The following CDK19 variants were observed in gnomAD, a reference collection of about 807,000 sequenced individuals.
CDK19 encodes the protein cyclin-dependent kinase 19.
A neutral mutation model predicts 68.3 loss-of-function variants in CDK19; 20 were observed. The observed-to-expected ratio is 0.29, with a 90% CI of 0.21 to 0.43. The LOEUF (loss-of-function observed/expected upper bound fraction) is 0.43. Among genes scored for constraint, CDK19 ranks in the 20% least tolerant of loss-of-function variants. The probability of loss-of-function intolerance (pLI) is 1.00; values close to 1 mark genes in which losing one functional copy is unlikely to be tolerated. For missense variants in CDK19, 339 were observed against 623.5 expected, an observed-to-expected ratio of 0.54 and a Z score of 4.86; for synonymous variants, 221 against 222.8, an observed-to-expected ratio of 0.99 and a Z score of 0.07.
At chr6:110,685,572 T>G (rs1772404859) in intron 2 of CDK19, among the ~76,000 whole-genome samples, 1 of 152,244 alleles carries the variant, frequency 6.6e-6, no homozygotes, top group African/African-American at 2.4e-5. Flanking sequence ...CATGTAGATT[T>G]TCAACAAATG....
chr6:110,807,573 C>T (rs919966423), intron 1 of CDK19, among the ~76,000 whole-genome samples: 1 of 152,092 alleles, frequency 6.6e-6, no homozygotes, highest in Non-Finnish European at 1.5e-5. Context: ...AATTATTGTG[C>T]CTTAGCCTCC....
At chr6:110,619,067 C>T (rs888082376) in intron 12 of CDK19, among the ~76,000 whole-genome samples, 17 of 152,096 alleles carry the variant, frequency 1.1e-4, no homozygotes, top group African/African-American at 4.1e-4. Flanking sequence ...GTTGCAAGTT[C>T]GGTGTAATGG....
At chr6:110,650,005 A>T (rs565228678) in intron 4 of CDK19, among the ~76,000 whole-genome samples, 26 of 152,298 alleles carry the variant, frequency 1.7e-4, no homozygotes, top group South Asian at 1.2e-3. Flanking sequence ...ACAATTTTTT[A>T]AAAAAATTGT....
chr6:110,781,363 C>T (rs1780804479), intron 1 of CDK19, among the ~76,000 whole-genome samples: 1 of 152,110 alleles, frequency 6.6e-6, no homozygotes, highest in African/African-American at 2.4e-5. Flanking sequence ...TCACTCATTA[C>T]CTAGGACAGC....
rs1057180515 is a variant in CDK19, at chr6:110,652,194, A to T, written c.457-13488T>A. On this transcript the variant is annotated intron_variant, in intron 4 of 12. Coordinates refer to ENST00000368911, the MANE Select transcript of CDK19 (RefSeq NM_015076.5). ...AAAATAAATAAATAAGCTAAAAAAGAAAACAAAGGTAAGAAAACCTAGATA... is the reference window on the plus strand; with the variant it reads ...AAAATAAATAAATAAGCTAAAAAAGTAAACAAAGGTAAGAAAACCTAGATA... Among the ~76,000 whole-genome samples the T allele has an allele frequency of 2.6e-5, 4 of 152,190 alleles. No individual in the cohort carries two copies. In the East Asian group the frequency reaches 7.7e-4, roughly 29 times the overall value.
At chr6:110,804,522 G>T (rs1036382836) in intron 1 of CDK19, among the ~76,000 whole-genome samples, 1 of 151,064 alleles carries the variant, frequency 6.6e-6, no homozygotes, top group Non-Finnish European at 1.5e-5. Flanking sequence ...GCTAATTTTT[G>T]TATTTTTTAG....
intron 4 of CDK19, among the ~76,000 whole-genome samples, chr6:110,664,581 G>T (rs1047993833): frequency 6.6e-6 from 1 of 152,130 alleles, no homozygotes; most frequent in Non-Finnish European, 1.5e-5. Context: ...TCCCCAAAAT[G>T]TCAGTACTAT....
At chr6:110,615,278 AGAGAAG>A (rs1288269998) in intron 12 of CDK19, among the ~76,000 whole-genome samples, 1 of 152,250 alleles carries the variant, frequency 6.6e-6, no homozygotes, top group African/African-American at 2.4e-5. Flanking sequence ...ATTGTCTTCA[AGAGAAG>A]ACAGAAAAAT....
chr6:110,797,788 C>A (rs900704603), intron 1 of CDK19, among the ~76,000 whole-genome samples: 1 of 152,074 alleles, frequency 6.6e-6, no homozygotes, highest in South Asian at 2.1e-4. Context: ...AGTTCGAGAC[C>A]AGGCTGGCCA....
chr6:110,665,351 G>C (rs373477640), intron 4 of CDK19, among the ~76,000 whole-genome samples: 22 of 152,232 alleles, frequency 1.4e-4, no homozygotes, highest in African/African-American at 4.6e-4. Flanking sequence ...TGCAAAGAAG[G>C]GTCTGCAAAG....
At chr6:110,624,724 C>G (rs1454078508) in intron 8 of CDK19, among the ~76,000 whole-genome samples, 1 of 152,102 alleles carries the variant, frequency 6.6e-6, no homozygotes, top group Non-Finnish European at 1.5e-5. Flanking sequence ...TGCCTATCTC[C>G]TACTGGTACG....
intron 1 of CDK19, among the ~76,000 whole-genome samples, chr6:110,759,429 ATATATATAT>A (rs1443262098): frequency 3.7e-4 from 18 of 48,984 alleles, no homozygotes; most frequent in African/African-American, 1.2e-3. Flanking sequence ...AAAAAAAAAA[ATATATATAT>A]ATATATATAT....
intron 2 of CDK19, among the ~76,000 whole-genome samples, chr6:110,735,969 C>T (rs1223327902): frequency 6.6e-6 from 1 of 152,164 alleles, no homozygotes; most frequent in Non-Finnish European, 1.5e-5. Context: ...TCTGAGGAAC[C>T]TGTGAACTGC....
chr6:110,667,591 A>AC lies in CDK19; in HGVS notation c.316-18_316-17insG, dbSNP rs1562177166. The AC allele has an allele frequency of 7.5e-7, 1 of 1,326,458 alleles. No individual in the cohort carries two copies. The highest frequency in any genetic ancestry group is 1.5e-5 in the African/African-American group (1 of 66,750). 82.2% of individuals were successfully genotyped at this position (1,326,458 alleles called of 1,614,324 possible). A position where few individuals can be genotyped will look rare whatever the true frequency, so the allele number is the denominator to read the frequency against. On this transcript the variant is annotated splice_polypyrimidine_tract_variant and intron_variant, in intron 3 of 12. Transcript: ENST00000368911. ...AATAATATGCTAAAAATTAAAAAAA[A>AC]ACATAATAATATAGTCTTTGCTAAT...
At chr6:110,777,024 A>T (rs1780447271) in intron 1 of CDK19, among the ~76,000 whole-genome samples, 1 of 152,210 alleles carries the variant, frequency 6.6e-6, no homozygotes, top group Non-Finnish European at 1.5e-5. Flanking sequence ...ACTCCCAGAA[A>T]CATGTTCTTC....
At chr6:110,788,610 A>G (rs1781396546) in intron 1 of CDK19, among the ~76,000 whole-genome samples, 2 of 152,180 alleles carry the variant, frequency 1.3e-5, no homozygotes, top group South Asian at 4.1e-4. Flanking sequence ...ATCTATAGGT[A>G]TGCCTCTCTT....
At chr6:110,703,023 T>C (rs1341853849) in intron 2 of CDK19, among the ~76,000 whole-genome samples, 1 of 152,250 alleles carries the variant, frequency 6.6e-6, no homozygotes, top group Non-Finnish European at 1.5e-5. Flanking sequence ...TGCTACTTTA[T>C]GTTGCTCTGT....
chr6:110,662,522 T>C (rs1582806643), intron 4 of CDK19, among the ~76,000 whole-genome samples: 1 of 152,216 alleles, frequency 6.6e-6, no homozygotes, highest in Non-Finnish European at 1.5e-5. Context: ...TAAAGAATAA[T>C]GTGAAATTGC....
intron 1 of CDK19, among the ~76,000 whole-genome samples, chr6:110,769,603 A>G (rs1307094630): frequency 1.3e-5 from 2 of 151,274 alleles, no homozygotes; most frequent in South Asian, 2.1e-4. Flanking sequence ...AATAATAGGG[A>G]AAACTGGGGA....
Sources: allele counts gnomAD v4.1 joint callset (sites outside exome capture counted in the v4.1 genomes callset), GRCh38; gene constraint gnomAD v4.1.1; transcripts MANE v1.5; gene names NCBI Gene and HGNC (gene_info 2026-07-23, HGNC 2026-07-21).